The following GINS3 variants were observed in gnomAD, a reference collection of about 807,000 sequenced individuals.
GINS3 encodes the protein DNA replication complex GINS protein PSF3.
In GINS3, 18 loss-of-function variants were observed where a neutral mutation model predicts 20.0. That is an observed-to-expected ratio of 0.90 (90% CI 0.62 to 1.33). GINS3 has a LOEUF of 1.33. Among genes scored for constraint, GINS3 ranks in the 40% most tolerant of loss-of-function variants. GINS3 has a pLI of 0.00. For synonymous variants in GINS3, 109 were observed against 107.0 expected, an observed-to-expected ratio of 1.02 and a Z score of -0.12; for missense variants, 254 against 273.6, an observed-to-expected ratio of 0.93 and a Z score of 0.51.
chr16:58,405,667 A>G lies in GINS3; in HGVS notation c.*938A>G, dbSNP rs947272506. On this transcript the variant is annotated 3_prime_UTR_variant, in exon 3 of 3. Coordinates refer to ENST00000318129, the MANE Select transcript of GINS3 (RefSeq NM_022770.4). ...TGTGCTTTTTTTTTCCTCTTCAGTA[A>G]CTTTTGCAACATTATTGCATAGAAG... 1 of 152,206 alleles carries G rather than the reference A, an allele frequency of 6.6e-6. No individual in the cohort carries two copies. The highest frequency in any genetic ancestry group is 2.1e-4 in the South Asian group (1 of 4,826). 9.4% of individuals were successfully genotyped at this position (152,206 alleles called of 1,614,324 possible).
rs1338394074 is a variant in GINS3, at chr16:58,405,238, G to T, written c.*509G>T. 1.3e-5 allele frequency: 2 copies of T among 153,802 alleles called. No homozygotes were observed. The highest frequency in any genetic ancestry group is 4.8e-5 in the African/African-American group (2 of 41,462). The allele number at this position is 153,802 out of a possible 1,614,324, so 9.5% of individuals were successfully genotyped here. ...GACTTGGAGATATCTCCTGCTGCCT[G>T]CCTGCAGGGAGTTACCCCAGTTTCC... On this transcript the variant is annotated 3_prime_UTR_variant, in exon 3 of 3. Transcript: ENST00000318129.
Position 58,405,066 on chromosome 16 carries a change from T to C in GINS3, c.*337T>C, listed in dbSNP as rs1966011670. The C allele has an allele frequency of 3.9e-6, 1 of 254,822 alleles. No homozygotes were observed. The highest frequency in any genetic ancestry group is 7.7e-6 in the Non-Finnish European group (1 of 130,256). 15.8% of individuals were successfully genotyped at this position (254,822 alleles called of 1,614,324 possible). A position where few individuals can be genotyped will look rare whatever the true frequency, so the allele number is the denominator to read the frequency against. Reference sequence around the variant, plus strand: ...AACTGAGATTCCTTGTGTCTGGGAGTTTGGACAGCTTCAGATGTACAGTTT... The same window carrying C: ...AACTGAGATTCCTTGTGTCTGGGAGCTTGGACAGCTTCAGATGTACAGTTT... On this transcript the variant is annotated 3_prime_UTR_variant, in exon 3 of 3. Coordinates refer to ENST00000318129, the MANE Select transcript of GINS3 (RefSeq NM_022770.4).
Position 58,392,550 on chromosome 16 carries a change from T to C in GINS3, c.-52T>C. ...CCCCGTCTTGTACACCCCTAACTCC[T>C]GAGGCTCCTCCGAATCACGCGAGTG... On this transcript the variant is annotated 5_prime_UTR_variant, in exon 1 of 3. Transcript: ENST00000318129. 1 of 1,596,326 alleles carries C rather than the reference T, an allele frequency of 6.3e-7. No homozygotes were observed. Among genetic ancestry groups the C allele is most frequent in the Admixed American group, 1.7e-5 (1 of 59,426 alleles).
intron 1 of GINS3, among the ~76,000 whole-genome samples, chr16:58,396,118 C>T (rs1395495789): frequency 5.0e-5 from 7 of 139,702 alleles, no homozygotes; most frequent in African/African-American, 8.3e-5. Flanking sequence ...CCGGACGGGG[C>T]GGCTGGCTGG....
chr16:58,395,622 A>G (rs1965842765), intron 1 of GINS3, among the ~76,000 whole-genome samples: 1 of 152,184 alleles, frequency 6.6e-6, no homozygotes, highest in African/African-American at 2.4e-5. Context: ...GACACAGCAT[A>G]TGTTTCAGAG....
At chr16:58,398,544 G>A (rs1436781150) in intron 1 of GINS3, among the ~76,000 whole-genome samples, 2 of 152,130 alleles carry the variant, frequency 1.3e-5, no homozygotes, top group Non-Finnish European at 2.9e-5. Flanking sequence ...TGGAGGGTCA[G>A]TACTGCAGTG....
chr16:58,395,267 ATTTTCTT>A (rs1965836296), intron 1 of GINS3: 2 of 323,274 alleles, frequency 6.2e-6, no homozygotes, highest in Non-Finnish European at 1.0e-5. Context: ...TTTTGTCTAA[ATTTTCTT>A]TTTTTTTTTT....
chr16:58,404,423 G>C, intron 2 of GINS3, 76 bp from the exon 3 acceptor site: 1 of 936,520 alleles, frequency 1.1e-6, no homozygotes. Context: ...CCATTTAAAT[G>C]TTCTGAGATA....
At chr16:58,394,133 T>A (rs1003984540) in intron 1 of GINS3, among the ~76,000 whole-genome samples, 1 of 152,188 alleles carries the variant, frequency 6.6e-6, no homozygotes, top group Non-Finnish European at 1.5e-5. Context: ...TCCTTAGTTT[T>A]TAGTTAATGC....
chr16:58,395,572 C>T (rs1228145563), intron 1 of GINS3, among the ~76,000 whole-genome samples: 1 of 152,092 alleles, frequency 6.6e-6, no homozygotes, highest in African/African-American at 2.4e-5. Context: ...TTTAACAAAG[C>T]ACATCTTGCA....
intron 1 of GINS3, among the ~76,000 whole-genome samples, chr16:58,402,608 A>G (rs1965971981): frequency 6.6e-6 from 1 of 152,036 alleles, no homozygotes; most frequent in Admixed American, 6.5e-5. Flanking sequence ...AACTAGAGAC[A>G]TGTGTGCTGT....
In GINS3 at chr16:58,404,586, G is replaced by A. The variant is rs150647692; in HGVS notation, c.508G>A (p.Glu170Lys). 1.5e-5 allele frequency: 25 copies of A among 1,614,180 alleles called. No homozygotes were observed. The South Asian group carries it at 1.9e-4, about 12-fold the overall frequency. The change falls in exon 3 of 3, where the codon GAG becomes AAG. Residue 170 changes from glutamate to lysine, a missense_variant. Physicochemically the swap from Glu to Lys is moderately conservative, Grantham distance 56. Coordinates refer to ENST00000318129, the MANE Select transcript of GINS3 (RefSeq NM_022770.4). Reference sequence around the variant, plus strand: ...TTCAGCCCTGGTAGCCAGGCTAGACGAGATGGAGAGGGGCTTATTTCAAAC... The same window carrying A: ...TTCAGCCCTGGTAGCCAGGCTAGACAAGATGGAGAGGGGCTTATTTCAAAC... ...DTSALVARLD[E>K]MERGLFQTGQ...
chr16:58,404,264 T>C, intron 2 of GINS3: 1 of 535,326 alleles, frequency 1.9e-6, no homozygotes. Flanking sequence ...CATGTATTCA[T>C]TGGTTTTCTT....
intron 1 of GINS3, 200 bp from the exon 2 acceptor site, chr16:58,402,896 TTC>T: frequency 1.7e-6 from 1 of 582,148 alleles, no homozygotes; most frequent in South Asian, 2.1e-5. Context: ...TAAATCCATT[TTC>T]TCTCTCCATT....
chr16:58,398,511 A>G lies in GINS3; in HGVS notation c.187-4587A>G, dbSNP rs546382328. Reference sequence around the variant, plus strand: ...GTGGTCACAGCTACTCAGGAGGCTGAGGCAAGAGGATCACTTAAGCCTTGG... The same window carrying G: ...GTGGTCACAGCTACTCAGGAGGCTGGGGCAAGAGGATCACTTAAGCCTTGG... On this transcript the variant is annotated intron_variant, in intron 1 of 2. Transcript: ENST00000318129. Among the ~76,000 whole-genome samples the G allele has an allele frequency of 2.4e-4, 37 of 152,292 alleles. No individual in the cohort carries two copies. The South Asian group carries it at 7.1e-3, about 29-fold the overall frequency.
At position 58,404,538 on chromosome 16, in the gene GINS3, C is replaced by A. The variant is rs1296550325; in HGVS notation, c.460C>A (p.Gln154Lys). ...GRFRRIMDSS[Q>K]NAYNEDTSAL... ...TTTTCGCCGCATCATGGACTCCTCACAGAATGCTTACAACGAAGACACTTC... is the reference window on the plus strand; with the variant it reads ...TTTTCGCCGCATCATGGACTCCTCAAAGAATGCTTACAACGAAGACACTTC... Residue 154 changes from glutamine (Q) to lysine (K), a missense_variant, in exon 3 of 3, where the codon CAG (glutamine) becomes AAG (lysine). Physicochemically the swap from Gln to Lys is moderately conservative, Grantham distance 53. Coordinates refer to ENST00000318129, the MANE Select transcript of GINS3 (RefSeq NM_022770.4). 2 of 1,614,068 alleles carry A rather than the reference C, an allele frequency of 1.2e-6. No individual in the cohort carries two copies. The highest frequency in any genetic ancestry group is 1.7e-6 in the Non-Finnish European group (2 of 1,180,032).
intron 1 of GINS3, among the ~76,000 whole-genome samples, chr16:58,400,756 A>G (rs1338909575): frequency 6.6e-6 from 1 of 152,164 alleles, no homozygotes; most frequent in East Asian, 1.9e-4. Context: ...ACATAAAAAA[A>G]AAATTCCATT....
chr16:58,399,253 C>T (rs1303438755), intron 1 of GINS3, among the ~76,000 whole-genome samples: 2 of 150,800 alleles, frequency 1.3e-5, no homozygotes, highest in South Asian at 2.1e-4. Context: ...GACCACTGCA[C>T]TCCAGCCTGG....
rs1567533996 is a variant in GINS3 at position 58,392,650 on chromosome 16, GAGAACTTTCT to G, written c.50_59del (p.Glu17ValfsTer7). ...GGAGTCGGGTGCGCTGGGGCCTGAG[GAGAACTTTCT>G]TTCTTTGGACGACATCCTGATGTCC... On this transcript the variant is annotated frameshift_variant, in exon 1 of 3. Coordinates refer to ENST00000318129, the MANE Select transcript of GINS3 (RefSeq NM_022770.4). LOFTEE classifies it high-confidence loss of function. 2 of 1,614,240 alleles carry G rather than the reference GAGAACTTTCT, an allele frequency of 1.2e-6. No individual in the cohort carries two copies. The highest frequency in any genetic ancestry group is 1.7e-6 in the Non-Finnish European group (2 of 1,180,032).
Sources: allele counts gnomAD v4.1 joint callset (sites outside exome capture counted in the v4.1 genomes callset), GRCh38; gene constraint gnomAD v4.1.1; transcripts MANE v1.5; gene names NCBI Gene and HGNC (gene_info 2026-07-23, HGNC 2026-07-21).